MAGI2: variants seen among roughly 807,000 people sequenced by gnomAD.
The protein encoded by MAGI2 is membrane associated guanylate kinase, WW and PDZ domain containing 2.
A neutral mutation model predicts 133.3 loss-of-function variants in MAGI2; 35 were observed. The ratio of observed to expected loss-of-function variants is 0.26; its 90% confidence interval spans 0.20 to 0.35. The LOEUF (loss-of-function observed/expected upper bound fraction) is 0.35, where lower values mean the gene tolerates loss of function less well. MAGI2 is among the 10% of genes least tolerant of loss of function. The probability of loss-of-function intolerance (pLI) is 1.00; values close to 1 mark genes in which losing one functional copy is unlikely to be tolerated. For synonymous variants in MAGI2, 729 were observed against 710.6 expected (o/e 1.03, Z -0.41); for missense variants, 1,636 against 1,863.4 (o/e 0.88, Z 2.25).
At chr7:78,814,502 T>C (rs1307697085) in intron 2 of MAGI2, among the ~76,000 whole-genome samples, 1 of 152,224 alleles carries the variant, frequency 6.6e-6, no homozygotes, top group Admixed American at 6.5e-5. Context: ...TCAACTTGTC[T>C]ACCTCAGAAA....
At chr7:78,891,259 T>A (rs191098598) in intron 2 of MAGI2, among the ~76,000 whole-genome samples, 1 of 152,010 alleles carries the variant, frequency 6.6e-6, no homozygotes, top group East Asian at 1.9e-4. Flanking sequence ...CAAAAAAAGT[T>A]CAGGACCAGA....
chr7:78,892,660 A>T, intron 2 of MAGI2, among the ~76,000 whole-genome samples: 1 of 152,248 alleles, frequency 6.6e-6, no homozygotes, highest in Non-Finnish European at 1.5e-5. Context: ...TGGTGCTGGG[A>T]AAACTGGCTA....
At chr7:79,061,741 T>A (rs886845347) in intron 1 of MAGI2, among the ~76,000 whole-genome samples, 6 of 152,038 alleles carry the variant, frequency 3.9e-5, no homozygotes, top group African/African-American at 1.4e-4. Context: ...AAGTCTGGGA[T>A]GCCAAAATGT....
At chr7:78,082,557 C>T (rs1816098047) in intron 20 of MAGI2, among the ~76,000 whole-genome samples, 1 of 152,186 alleles carries the variant, frequency 6.6e-6, no homozygotes, top group Admixed American at 6.5e-5. Context: ...CTCCTATGCC[C>T]TTTCCCCATT....
chr7:78,322,561 G>A (rs913241964), intron 9 of MAGI2, among the ~76,000 whole-genome samples: 1 of 152,068 alleles, frequency 6.6e-6, no homozygotes, highest in African/African-American at 2.4e-5. Flanking sequence ...GTTGAACAAC[G>A]AGAACACATG....
intron 1 of MAGI2, among the ~76,000 whole-genome samples, chr7:79,064,027 G>C (rs1814055786): frequency 1.3e-5 from 2 of 151,998 alleles, no homozygotes; most frequent in Admixed American, 1.3e-4. Context: ...CACGTATATA[G>C]CTTCAAAAAT....
At chr7:78,721,195 T>C (rs1820234840) in intron 2 of MAGI2, among the ~76,000 whole-genome samples, 1 of 152,092 alleles carries the variant, frequency 6.6e-6, no homozygotes, top group Admixed American at 6.6e-5. Context: ...TCCTCATGGC[T>C]GGGTCCTCTC....
intron 2 of MAGI2, among the ~76,000 whole-genome samples, chr7:78,845,403 G>A (rs543964338): frequency 6.6e-6 from 1 of 151,832 alleles, no homozygotes; most frequent in Admixed American, 6.6e-5. Flanking sequence ...TAAATTATGG[G>A]GGAGAGAAGG....
At chr7:78,678,179 G>A (rs1815259122) in intron 2 of MAGI2, among the ~76,000 whole-genome samples, 1 of 152,042 alleles carries the variant, frequency 6.6e-6, no homozygotes, top group African/African-American at 2.4e-5. Flanking sequence ...ATCCAAAGGG[G>A]TTTTCATGAA....
chr7:79,286,964 G>A (rs554302482), intron 1 of MAGI2, among the ~76,000 whole-genome samples: 32 of 152,200 alleles, frequency 2.1e-4, no homozygotes, highest in Non-Finnish European at 4.0e-4. Context: ...ACAGGTATTG[G>A]ACTAATATTT....
chr7:78,369,170 G>T lies in MAGI2; in HGVS notation c.1089C>A (p.Gly363=), dbSNP rs1585028850. The change falls in exon 7 of 22, where the codon GGC becomes GGA. Residue 363 remains glycine (G), a synonymous_variant. Coordinates refer to ENST00000354212, the MANE Select transcript of MAGI2 (RefSeq NM_012301.4). The part of the protein sequence containing the change: ...GWEKIDDPIY[G]TYYVDHINRR... ...TAGAGACTTACTCAACATAATAAGT[G>T]CCATAAATGGGATCATCGATTTTTT... is the stretch of plus-strand genomic sequence containing the variant. 9 of 1,602,732 alleles carry T rather than the reference G, an allele frequency of 5.6e-6. No individual in the cohort carries two copies. The East Asian group carries it at 2.0e-4, about 36-fold the overall frequency.
chr7:78,745,237 T>A (rs1822812081), intron 2 of MAGI2, among the ~76,000 whole-genome samples: 1 of 152,146 alleles, frequency 6.6e-6, no homozygotes, highest in South Asian at 2.1e-4. Context: ...TCAACTGGAA[T>A]GAAAAATGTA....
At chr7:79,074,850 A>T (rs1033347564) in intron 1 of MAGI2, among the ~76,000 whole-genome samples, 2 of 152,226 alleles carry the variant, frequency 1.3e-5, no homozygotes, top group African/African-American at 4.8e-5. Flanking sequence ...TTCAGCTACG[A>T]TATAGAGACA....
chr7:78,984,684 G>A (rs540177203), intron 2 of MAGI2, among the ~76,000 whole-genome samples: 8 of 151,614 alleles, frequency 5.3e-5, no homozygotes, highest in South Asian at 2.1e-4. Context: ...ATGCACACAC[G>A]CCCTTCATCC....
intron 2 of MAGI2, among the ~76,000 whole-genome samples, chr7:78,994,545 GC>G: frequency 6.6e-6 from 1 of 152,174 alleles, no homozygotes; most frequent in South Asian, 2.1e-4. Flanking sequence ...ATATTCTGGA[GC>G]CTCCTAAGAT....
intron 3 of MAGI2, among the ~76,000 whole-genome samples, chr7:78,583,841 T>C (rs1193877503): frequency 1.3e-5 from 2 of 152,174 alleles, no homozygotes; most frequent in Non-Finnish European, 2.9e-5. Flanking sequence ...AACCTAAAAG[T>C]CAGTTTCATT....
intron 10 of MAGI2, among the ~76,000 whole-genome samples, chr7:78,217,417 C>A (rs12669415): frequency 6.6e-6 from 1 of 151,880 alleles, no homozygotes; most frequent in Non-Finnish European, 1.5e-5. Context: ...ATACTTGTTG[C>A]GTGAAAGGAA....
At chr7:79,381,188 T>C (rs537743803) in intron 1 of MAGI2, among the ~76,000 whole-genome samples, 6 of 151,824 alleles carry the variant, frequency 4.0e-5, no homozygotes, top group Non-Finnish European at 4.4e-5. Context: ...CATCTCTGCA[T>C]CTCCTTTTTT....
chr7:78,388,400 T>C (rs1188068313), intron 6 of MAGI2, among the ~76,000 whole-genome samples: 2 of 152,194 alleles, frequency 1.3e-5, no homozygotes, highest in Middle Eastern at 3.4e-3. Flanking sequence ...ACTTAGAGTG[T>C]GCGGCAGGTA....
Sources: gnomAD v4.1 joint callset for allele counts (sites outside exome capture counted in the v4.1 genomes callset) on GRCh38, gnomAD v4.1.1 for gene constraint, MANE v1.5 for transcripts, NCBI Gene and HGNC (gene_info 2026-07-23, HGNC 2026-07-21) for gene names.